PDLIM2: variants seen among roughly 807,000 people sequenced by gnomAD.
PDLIM2 encodes the protein PDZ and LIM domain 2.
PDLIM2 carries 51 observed loss-of-function variants against 54.1 expected under a neutral mutation model. That is an observed-to-expected ratio of 0.94 (90% CI 0.75 to 1.19). PDLIM2 has a LOEUF of 1.19. PDLIM2 is among the 50% of genes most tolerant of loss of function. The pLI, the probability that PDLIM2 is intolerant of heterozygous loss-of-function variation, is 0.00. For synonymous variants in PDLIM2, 398 were observed against 385.6 expected, an observed-to-expected ratio of 1.03 and a Z score of -0.38; for missense variants, 912 against 874.0, an observed-to-expected ratio of 1.04 and a Z score of -0.55.
At chr8:22,593,974 G>C in exon 10 of PDLIM2, 1 of 1,509,354 alleles carries the variant, frequency 6.6e-7, no homozygotes, top group Non-Finnish European at 8.9e-7. Context: ...AGTTGGCATG[G>C]CAGGGACAAT....
exon 10 of PDLIM2, chr8:22,593,858 A>G (rs1800622168): frequency 6.4e-7 from 1 of 1,565,048 alleles, no homozygotes. Context: ...TACTGTGAGA[A>G]GCATGCCCGC....
chr8:22,589,922 AGGGT>A, intron 8 of PDLIM2, 181 bp downstream of exon 7: 1 of 367,738 alleles, frequency 2.7e-6, no homozygotes, highest in Non-Finnish European at 4.5e-6. Context: ...ACGGTCCGGG[AGGGT>A]CCGGGAGGGT....
chr8:22,594,521 G>A (rs557363217), downstream of PDLIM2: 43 of 1,613,834 alleles, frequency 2.7e-5, 1 homozygote, highest in African/African-American at 6.7e-5. Flanking sequence ...AAAGATGCCC[G>A]TTTTACAGGA....
chr8:22,594,400 C>A, downstream of PDLIM2: 1 of 1,557,318 alleles, frequency 6.4e-7, no homozygotes, highest in South Asian at 1.2e-5. Context: ...GTTTCTTCTT[C>A]TTTTCCCTCC....
downstream of PDLIM2, chr8:22,594,410 C>A: frequency 6.4e-7 from 1 of 1,571,986 alleles, no homozygotes; most frequent in South Asian, 1.2e-5. Context: ...CTTTTCCCTC[C>A]CTCAAATCCC....
chr8:22,589,142 A>C (rs1472249574), intron 6 of PDLIM2, 156 bp from the exon 6 acceptor site: 1 of 588,040 alleles, frequency 1.7e-6, no homozygotes, highest in Non-Finnish European at 2.9e-6. Context: ...GGAGCCCCCG[A>C]CACCTTGGCT....
At chr8:22,581,673 G>A in intron 3 of PDLIM2, 143 bp downstream of exon 2, 1 of 1,185,508 alleles carries the variant, frequency 8.4e-7, no homozygotes, top group East Asian at 2.7e-5. Flanking sequence ...TGGTGAGAAG[G>A]TCCTGGGCTC....
At chr8:22,582,496 A>G (rs1800235405) in intron 3 of PDLIM2, among the ~76,000 whole-genome samples, 1 of 151,158 alleles carries the variant, frequency 6.6e-6, no homozygotes, top group Admixed American at 6.6e-5. Context: ...CTCTGGAGGG[A>G]CCAGGGCTCG....
intron 6 of PDLIM2, chr8:22,589,095 G>C (rs907829235): frequency 8.0e-6 from 4 of 497,150 alleles, no homozygotes; most frequent in African/African-American, 2.2e-5. Context: ...CTGGCTCCGA[G>C]GGAAGGGGCA....
At position 22,585,471 on chromosome 8, in the gene PDLIM2, C is replaced by T. The variant is rs536974409; in HGVS notation, c.1290+72C>T. On this transcript the variant is annotated intron_variant, in intron 6 of 9. Coordinates refer to ENST00000308354, the Ensembl canonical transcript of PDLIM2. ...CCGTTCCTGTGGGTTGCCAGTGCCCCGGGACTGCAGGCGGCCAGGCCCACC... is the reference window on the plus strand; with the variant it reads ...CCGTTCCTGTGGGTTGCCAGTGCCCTGGGACTGCAGGCGGCCAGGCCCACC... 3.0e-5 allele frequency: 44 copies of T among 1,464,110 alleles called. No homozygotes were observed. In the East Asian group the frequency reaches 3.7e-4, roughly 12 times the overall value. The allele number at this position is 1,464,110 out of a possible 1,614,324, so 90.7% of individuals were successfully genotyped here. A position where few individuals can be genotyped will look rare whatever the true frequency, so the allele number is the denominator to read the frequency against.
At chr8:22,585,871 G>C (rs972335057) in intron 6 of PDLIM2, among the ~76,000 whole-genome samples, 4 of 150,758 alleles carry the variant, frequency 2.7e-5, no homozygotes, top group Non-Finnish European at 5.9e-5. Flanking sequence ...GTGGGACTGC[G>C]GTTCTGCCTT....
chr8:22,593,946 C>T lies in PDLIM2; in HGVS notation c.*36C>T, dbSNP rs1193826016. The T allele has an allele frequency of 2.6e-6, 4 of 1,539,946 alleles. No homozygotes were observed. The African/African-American group carries it at 5.5e-5, about 21-fold the overall frequency. On this transcript the variant is annotated 3_prime_UTR_variant, in exon 10 of 10. Coordinates refer to ENST00000308354, the Ensembl canonical transcript of PDLIM2. ...CCCTCAGCCTGCCTCACTGCTGGGC[C>T]AGGGTCATGCCTATATAAGTTGGCA...
exon 1 of PDLIM2, chr8:22,578,823 G>A: frequency 6.5e-6 from 8 of 1,234,462 alleles, no homozygotes; most frequent in Non-Finnish European, 8.1e-6. Context: ...AGCTTTATGG[G>A]GCTGCCCCCT....
intron 3 of PDLIM2, among the ~76,000 whole-genome samples, chr8:22,581,905 T>C (rs1437289509): frequency 6.6e-6 from 1 of 152,236 alleles, no homozygotes; most frequent in Non-Finnish European, 1.5e-5. Flanking sequence ...CGAGGCTGCA[T>C]CCCCAGGACT....
At chr8:22,582,134 G>T (rs1421024192) in intron 3 of PDLIM2, among the ~76,000 whole-genome samples, 2 of 152,214 alleles carry the variant, frequency 1.3e-5, no homozygotes, top group Non-Finnish European at 2.9e-5. Context: ...CTGGGGTGGG[G>T]CATTGCAGTG....
At chr8:22,591,611 G>A (rs1800549478) in exon 9 of PDLIM2, 4 of 1,613,502 alleles carry the variant, frequency 2.5e-6, no homozygotes, top group Non-Finnish European at 3.4e-6. Flanking sequence ...CCCGCCTCCA[G>A]GGCCCTGGCC....
downstream of PDLIM2, chr8:22,597,691 C>CT (rs1250478136): frequency 1.2e-4 from 18 of 152,478 alleles, no homozygotes; most frequent in Admixed American, 1.2e-3. Context: ...TGGAGGGAGT[C>CT]TGGGCTCCCT....
chr8:22,594,723 C>T (rs966084242), downstream of PDLIM2: 3 of 1,527,656 alleles, frequency 2.0e-6, no homozygotes, highest in East Asian at 4.5e-5. Context: ...CTACCGACAC[C>T]TTCCACTTCT....
chr8:22,588,229 G>C (rs1027201754), intron 6 of PDLIM2: 1 of 152,338 alleles, frequency 6.6e-6, no homozygotes, highest in Non-Finnish European at 1.5e-5. Flanking sequence ...AGAACCCTGA[G>C]AGCAGAGGGA....
Sources: gnomAD v4.1 joint callset for allele counts (sites outside exome capture counted in the v4.1 genomes callset) on GRCh38, gnomAD v4.1.1 for gene constraint, MANE v1.5 for transcripts, NCBI Gene and HGNC (gene_info 2026-07-23, HGNC 2026-07-21) for gene names.